The following DAB2IP variants were observed in gnomAD, a reference collection of about 807,000 sequenced individuals.
DAB2IP encodes disabled homolog 2-interacting protein.
A neutral mutation model predicts 107.2 loss-of-function variants in DAB2IP; 28 were observed. The ratio of observed to expected loss-of-function variants is 0.26; its 90% CI spans 0.19 to 0.36. DAB2IP has a LOEUF of 0.36. Ranked by LOEUF, DAB2IP falls within the 10% of genes least tolerant of loss-of-function variation. The pLI is 1.00. For missense variants in DAB2IP, 1,400 were observed against 1,644.7 expected, an observed-to-expected ratio of 0.85 and a Z score of 2.57; for synonymous variants, 755 against 706.4, an observed-to-expected ratio of 1.07 and a Z score of -1.09.
chr9:121,774,876 C>T (rs1022290431), intron 13 of DAB2IP, among the ~76,000 whole-genome samples: 4 of 152,154 alleles, frequency 2.6e-5, no homozygotes, highest in Non-Finnish European at 4.4e-5. Flanking sequence ...TTGTGCCTGC[C>T]CACGGCCTGG....
chr9:121,628,326 G>T (rs1255116683), intron 1 of DAB2IP, among the ~76,000 whole-genome samples: 1 of 152,234 alleles, frequency 6.6e-6, no homozygotes, highest in Non-Finnish European at 1.5e-5. Flanking sequence ...TCCTGAGGCA[G>T]ATGCCCCCCT....
intron 1 of DAB2IP, among the ~76,000 whole-genome samples, chr9:121,589,338 C>G (rs1216297945): frequency 1.3e-5 from 2 of 152,148 alleles, no homozygotes; most frequent in African/African-American, 4.8e-5. Flanking sequence ...TCACTTGAGG[C>G]TCCAATAATA....
chr9:121,616,125 A>T (rs1273793382), intron 1 of DAB2IP, among the ~76,000 whole-genome samples: 1 of 151,242 alleles, frequency 6.6e-6, no homozygotes, highest in Non-Finnish European at 1.5e-5. Flanking sequence ...CCAAAATTCG[A>T]CCCCACCTTC....
In DAB2IP at chr9:121,782,205, T is replaced by G; in HGVS notation, c.3403-126T>G. The G allele has an allele frequency of 6.9e-7, 1 of 1,454,504 alleles. No homozygotes were observed. Among genetic ancestry groups the G allele is most frequent in the South Asian group, 1.4e-5 (1 of 69,060 alleles). The allele number at this position is 1,454,504 out of a possible 1,614,324, so 90.1% of individuals were successfully genotyped here. A position where few individuals can be genotyped will look rare whatever the true frequency, so the allele number is the denominator to read the frequency against. On this transcript the variant is annotated intron_variant, in intron 15 of 15. Coordinates refer to ENST00000408936, the Ensembl canonical transcript of DAB2IP. This position sits in a 1 kb window ranked among gnomAD's most constrained non-coding sequence, Gnocchi z 6.1. ...CTGCCTACCTTCTCTTGCCAGCTGC[T>G]CACAGCCCGGAGCCTGCCTGCCACC... is the stretch of plus-strand genomic sequence containing the variant.
intron 2 of DAB2IP, among the ~76,000 whole-genome samples, chr9:121,679,272 A>C (rs1213576572): frequency 6.6e-6 from 1 of 152,160 alleles, no homozygotes; most frequent in East Asian, 1.9e-4. Flanking sequence ...AAAACACAGA[A>C]TATATATCAT....
At chr9:121,687,309 G>A (rs541054038) in intron 2 of DAB2IP, among the ~76,000 whole-genome samples, 17 of 152,352 alleles carry the variant, frequency 1.1e-4, no homozygotes, top group South Asian at 6.2e-4. Flanking sequence ...GGGGACCCTG[G>A]TCAGGGACAC....
intron 8 of DAB2IP, among the ~76,000 whole-genome samples, 153 bp from the exon 9 acceptor site, chr9:121,766,341 C>T (rs1403490621): frequency 2.0e-5 from 3 of 152,380 alleles, no homozygotes; most frequent in African/African-American, 7.2e-5. Context: ...CTGCTCTCCC[C>T]AGATGGCTGT....
intron 3 of DAB2IP, among the ~76,000 whole-genome samples, chr9:121,730,837 T>C (rs1043104578): frequency 2.6e-4 from 39 of 152,218 alleles, no homozygotes; most frequent in African/African-American, 9.4e-4. Flanking sequence ...AGGGCTGGGC[T>C]GTCCTGTTGT....
rs181748095 is a variant in DAB2IP, at chr9:121,722,820, A to C, written c.362+23362A>C. ...ATGAGACTATGTTTCAAAACAAGAT[A>C]AGTTAAAAAAATTGCAAGTATAGAG... On this transcript the variant is annotated intron_variant, in intron 3 of 15. Coordinates refer to ENST00000408936, the Ensembl canonical transcript of DAB2IP. 4.3e-3 allele frequency among the ~76,000 whole-genome samples: 657 copies of C among 152,306 alleles called. 18 individuals are homozygous for C. The highest frequency in any genetic ancestry group is 7.5e-4 in the Non-Finnish European group (51 of 68,020).
chr9:121,684,025 G>C lies in DAB2IP; in HGVS notation c.228+5244G>C, dbSNP rs544313396. On this transcript the variant is annotated intron_variant, in intron 2 of 15. Coordinates refer to ENST00000408936, the Ensembl canonical transcript of DAB2IP. The surrounding 1 kb of genome is among the most constrained non-coding windows in gnomAD (Gnocchi z 4.0). ...CCACAGTGGATGATGGCTGTGAGTG[G>C]AGCTAGCAGTAGACCTCTGAGCTGT... 7.2e-4 allele frequency among the ~76,000 whole-genome samples: 109 copies of C among 152,208 alleles called. No individual in the cohort carries two copies. Among genetic ancestry groups the C allele is most frequent in the African/African-American group, 2.6e-3 (107 of 41,504 alleles).
chr9:121,699,298 T>A lies in DAB2IP; in HGVS notation c.229-27T>A. The A allele has an allele frequency of 7.0e-6, 7 of 996,612 alleles. No individual in the cohort carries two copies. Among genetic ancestry groups the A allele is most frequent in the East Asian group, 7.8e-5 (1 of 12,866 alleles). The allele number at this position is 996,612 out of a possible 1,614,324, so 61.7% of individuals were successfully genotyped here. On this transcript the variant is annotated intron_variant, in intron 2 of 15. Transcript: ENST00000408936. This position sits in a 1 kb window ranked among gnomAD's most constrained non-coding sequence, Gnocchi z 6.2. Reference sequence around the variant, plus strand: ...GCCGCCGCGCTAACCCCGCCTCCCCTTCCCCCTCTTGTCCCCCCGTGCGCA... The same window carrying A: ...GCCGCCGCGCTAACCCCGCCTCCCCATCCCCCTCTTGTCCCCCCGTGCGCA...
At position 121,634,302 on chromosome 9, in the gene DAB2IP, G is replaced by A. The variant is rs925256029; in HGVS notation, c.41-44376G>A. Among the ~76,000 whole-genome samples, 1 of 152,186 alleles carries A rather than the reference G, an allele frequency of 6.6e-6. No individual in the cohort carries two copies. Among genetic ancestry groups the A allele is most frequent in the Non-Finnish European group, 1.5e-5 (1 of 68,018 alleles). ...AGGGCCAGAAAGAGGAGAGATGGAG[G>A]AGGCAGAGGCCCCGGCCGGCCACAC... On this transcript the variant is annotated intron_variant, in intron 1 of 16. Coordinates refer to the DAB2IP transcript ENST00000259371. The surrounding 1 kb of genome is among the most constrained non-coding windows in gnomAD (Gnocchi z 4.7).
chr9:121,629,801 A>G (rs1281538710), intron 1 of DAB2IP, among the ~76,000 whole-genome samples: 1 of 152,172 alleles, frequency 6.6e-6, no homozygotes, highest in African/African-American at 2.4e-5. Context: ...GGAGAAGGTC[A>G]GGGCCTCGGC....
chr9:121,577,943 C>T (rs904185003), intron 1 of DAB2IP, among the ~76,000 whole-genome samples: 3 of 152,082 alleles, frequency 2.0e-5, no homozygotes, highest in African/African-American at 7.2e-5. Context: ...TCAGGATCCT[C>T]CTGCCTCCAG....
At chr9:121,615,962 G>C (rs1173176108) in intron 1 of DAB2IP, among the ~76,000 whole-genome samples, 1 of 152,138 alleles carries the variant, frequency 6.6e-6, no homozygotes, top group Non-Finnish European at 1.5e-5. Flanking sequence ...TGGCGAGATG[G>C]ACATATGGAA....
upstream of DAB2IP, among the ~76,000 whole-genome samples, chr9:121,648,956 A>T (rs1195623081): frequency 6.6e-6 from 1 of 152,128 alleles, no homozygotes; most frequent in Non-Finnish European, 1.5e-5. Context: ...GTGGGAGCAG[A>T]TGGGGGGCCA....
exon 11 of DAB2IP, chr9:121,770,576 C>G (rs768259012): frequency 1.2e-6 from 2 of 1,614,098 alleles, no homozygotes; most frequent in Non-Finnish European, 1.7e-6. Flanking sequence ...ACCCCTGCCT[C>G]GGATCCTGAG....
Position 121,651,923 on chromosome 9 carries a change from C to T in DAB2IP, c.124+24C>T. 2 of 1,338,604 alleles carry T rather than the reference C, an allele frequency of 1.5e-6. No individual in the cohort carries two copies. The highest frequency in any genetic ancestry group is 1.9e-6 in the Non-Finnish European group (2 of 1,037,544). The allele number at this position is 1,338,604 out of a possible 1,614,324, so 82.9% of individuals were successfully genotyped here. ...GGGTAGGCGCCACCCCGACCCCTGA[C>T]CCCTAGACCCTCCTAAGGCCACTAA... is the stretch of plus-strand genomic sequence containing the variant. On this transcript the variant is annotated intron_variant, in intron 1 of 15. Coordinates refer to ENST00000408936, the Ensembl canonical transcript of DAB2IP. The surrounding 1 kb of genome is among the most constrained non-coding windows in gnomAD (Gnocchi z 5.1).
rs1223984300 is a variant in DAB2IP at position 121,777,033 on chromosome 9, C to T, written c.3314+642C>T. 2.0e-5 allele frequency among the ~76,000 whole-genome samples: 3 copies of T among 152,164 alleles called. No homozygotes were observed. The East Asian group carries it at 5.8e-4, about 29-fold the overall frequency. On this transcript the variant is annotated intron_variant, in intron 14 of 15. Coordinates refer to ENST00000408936, the Ensembl canonical transcript of DAB2IP. ...CATCTTTTTGAAGGCTTATGTCAGG[C>T]CCCATGTTGGTGCCTCCATCTCTGT... is the stretch of plus-strand genomic sequence containing the variant.
Sources: gnomAD v4.1 joint callset for allele counts (sites outside exome capture counted in the v4.1 genomes callset) on GRCh38, gnomAD v4.1.1 for gene constraint, Gnocchi (gnomAD v3.1) non-coding constraint, MANE v1.5 for transcripts, NCBI Gene and HGNC (gene_info 2026-07-23, HGNC 2026-07-21) for gene names.